HCN1: variants seen among roughly 807,000 people sequenced by gnomAD.
The protein encoded by HCN1 is potassium/sodium hyperpolarization-activated cyclic nucleotide-gated channel 1.
In HCN1, 13 loss-of-function variants were observed where a neutral mutation model predicts 78.9. That is an observed-to-expected ratio of 0.16 (90% CI 0.11 to 0.26). The LOEUF (loss-of-function observed/expected upper bound fraction) is 0.26, where lower values mean the gene tolerates loss of function less well. Among genes scored for constraint, HCN1 ranks in the 10% least tolerant of loss-of-function variants. HCN1 has a pLI of 1.00. For missense variants in HCN1, 810 were observed against 1,154.3 expected, an observed-to-expected ratio of 0.70 and a Z score of 4.32; for synonymous variants, 552 against 455.5, an observed-to-expected ratio of 1.21 and a Z score of -2.70.
intron 2 of HCN1, among the ~76,000 whole-genome samples, chr5:45,509,928 T>C (rs1742377772): frequency 6.6e-6 from 1 of 152,062 alleles, no homozygotes; most frequent in African/African-American, 2.4e-5. Flanking sequence ...TTAATCTAGA[T>C]CCCCTGCTAC....
intron 1 of HCN1, among the ~76,000 whole-genome samples, chr5:45,690,334 AAACT>A (rs1394073148): frequency 4.6e-5 from 7 of 152,188 alleles, no homozygotes; most frequent in African/African-American, 9.6e-5. Context: ...TACTATGAGA[AAACT>A]AACTAACATA....
intron 4 of HCN1, among the ~76,000 whole-genome samples, chr5:45,381,153 T>C (rs2112025536): frequency 6.6e-6 from 1 of 152,254 alleles, no homozygotes; most frequent in South Asian, 2.1e-4. Context: ...AGAACATAGC[T>C]TGTTAAGGTA....
intron 2 of HCN1, among the ~76,000 whole-genome samples, chr5:45,515,326 A>G (rs901489570): frequency 6.6e-6 from 1 of 151,990 alleles, no homozygotes. Context: ...AAACTAGGAA[A>G]CCTAAAAAAC....
chr5:45,661,290 G>A lies in HCN1; in HGVS notation c.426-15682C>T, dbSNP rs1580029957. ...AGACACCACATACCAGAATCTCTGG[G>A]ACGCATTCAAAGCAGTGTGTAGAGG... On this transcript the variant is annotated intron_variant, in intron 1 of 7. Transcript: ENST00000303230. 3.3e-5 allele frequency among the ~76,000 whole-genome samples: 4 copies of A among 123,048 alleles called. No homozygotes were observed. In the South Asian group the frequency reaches 1.4e-3, roughly 43 times the overall value. 80.7% of individuals were successfully genotyped at this position (123,048 alleles called of 152,430 possible).
At position 45,621,918 on chromosome 5, in the gene HCN1, C is replaced by G. The variant is rs377392690; in HGVS notation, c.849+23267G>C. On this transcript the variant is annotated intron_variant, in intron 2 of 7. Coordinates refer to ENST00000303230, the MANE Select transcript of HCN1 (RefSeq NM_021072.4). The stretch of plus-strand genomic sequence containing the variant: ...TGTTTTACTTATCATTTAGTGAAAT[C>G]CACTAATTAGGAACAACTGTAGACG... Among the ~76,000 whole-genome samples, 58 of 152,210 alleles carry G rather than the reference C, an allele frequency of 3.8e-4. 1 individual carries two copies. In the South Asian group the frequency reaches 0.012, roughly 31 times the overall value.
intron 5 of HCN1, among the ~76,000 whole-genome samples, chr5:45,327,234 CAATGTCCAGAAGTATGCTGAAACTAAACA>C (rs1746253564): frequency 6.6e-6 from 1 of 151,612 alleles, no homozygotes; most frequent in East Asian, 1.9e-4. Context: ...GTGGCATAAA[CAATGTCCAGAAGTATGCTGAAACTAAACA>C]AATGTCCAGA....
intron 3 of HCN1, among the ~76,000 whole-genome samples, chr5:45,408,122 A>T (rs1739960455): frequency 6.6e-6 from 1 of 152,228 alleles, no homozygotes; most frequent in African/African-American, 2.4e-5. Flanking sequence ...CATAAAAATA[A>T]AAACATTATA....
At chr5:45,276,202 T>A (rs1745053805) in intron 6 of HCN1, among the ~76,000 whole-genome samples, 1 of 152,062 alleles carries the variant, frequency 6.6e-6, no homozygotes, top group Non-Finnish European at 1.5e-5. Context: ...CCCTTGATGC[T>A]CTCTCTTTCT....
intron 2 of HCN1, among the ~76,000 whole-genome samples, chr5:45,486,319 A>G (rs1554027957): frequency 1.3e-5 from 2 of 152,154 alleles, no homozygotes; most frequent in Non-Finnish European, 2.9e-5. Flanking sequence ...AAAGCCTCAA[A>G]GGTTGTGGAA....
At chr5:45,640,574 A>G (rs1400347686) in intron 2 of HCN1, among the ~76,000 whole-genome samples, 24 of 150,104 alleles carry the variant, frequency 1.6e-4, no homozygotes. Flanking sequence ...TTGAAGTCTG[A>G]TTCTTTTTTT....
intron 2 of HCN1, among the ~76,000 whole-genome samples, chr5:45,491,701 G>A (rs1347291546): frequency 6.6e-6 from 1 of 152,064 alleles, no homozygotes; most frequent in Non-Finnish European, 1.5e-5. Context: ...CCAACACTTC[G>A]TGTCCTTTAT....
At chr5:45,434,843 G>T (rs1740532324) in intron 3 of HCN1, among the ~76,000 whole-genome samples, 1 of 152,078 alleles carries the variant, frequency 6.6e-6, no homozygotes, top group South Asian at 2.1e-4. Context: ...AATAATCAAA[G>T]TGAAGTTCTA....
chr5:45,561,417 T>C (rs760285093), intron 2 of HCN1, among the ~76,000 whole-genome samples: 1 of 152,146 alleles, frequency 6.6e-6, no homozygotes, highest in African/African-American at 2.4e-5. Flanking sequence ...AATACCATTA[T>C]GGCACACTTA....
At chr5:45,353,364 ATCCTTT>A in intron 4 of HCN1, 118 bp from the exon 5 acceptor site, 1 of 760,798 alleles carries the variant, frequency 1.3e-6, no homozygotes, top group African/African-American at 1.8e-5. Context: ...AAAAAAAGAA[ATCCTTT>A]AAGATGAAGG....
intron 2 of HCN1, among the ~76,000 whole-genome samples, chr5:45,579,121 A>C (rs1744005644): frequency 6.6e-6 from 1 of 152,128 alleles, no homozygotes; most frequent in Non-Finnish European, 1.5e-5. Flanking sequence ...TTAAATATAC[A>C]CAGAACTATT....
intron 5 of HCN1, among the ~76,000 whole-genome samples, chr5:45,348,841 C>T (rs1281561952): frequency 6.6e-6 from 1 of 152,160 alleles, no homozygotes. Context: ...AATATATATG[C>T]ATCCAATACA....
intron 3 of HCN1, among the ~76,000 whole-genome samples, chr5:45,449,728 T>C (rs921317694): frequency 2.6e-5 from 4 of 152,210 alleles, no homozygotes; most frequent in African/African-American, 9.6e-5. Context: ...TTAAAAAATG[T>C]ATCTCAATAA....
At chr5:45,621,094 TCAAA>T (rs1269560081) in intron 2 of HCN1, among the ~76,000 whole-genome samples, 1 of 152,162 alleles carries the variant, frequency 6.6e-6, no homozygotes, top group Non-Finnish European at 1.5e-5. Context: ...CCTTCTCAAC[TCAAA>T]CAATGATTCT....
intron 1 of HCN1, 109 bp downstream of exon 1, chr5:45,695,560 A>C (rs2112108551): frequency 7.6e-6 from 8 of 1,052,982 alleles, no homozygotes; most frequent in Non-Finnish European, 4.1e-6. Flanking sequence ...CGGCAGCGCC[A>C]CCCCCCGCCC....
Sources: allele counts gnomAD v4.1 joint callset (sites outside exome capture counted in the v4.1 genomes callset), GRCh38; gene constraint gnomAD v4.1.1; transcripts MANE v1.5; gene names NCBI Gene and HGNC (gene_info 2026-07-23, HGNC 2026-07-21).